RNF180: variants seen among roughly 807,000 people sequenced by gnomAD.
The protein encoded by RNF180 is E3 ubiquitin-protein ligase RNF180.
Under a neutral mutation model 59.2 loss-of-function variants are expected in RNF180, and 38 were observed. That is an observed-to-expected ratio of 0.64 (90% CI 0.50 to 0.84). The LOEUF is 0.84. Ranked by LOEUF, RNF180 falls within the 40% of genes least tolerant of loss-of-function variation. The pLI is 0.00. For synonymous variants in RNF180, 262 were observed against 240.3 expected (o/e 1.09, Z -0.84); for missense variants, 705 against 700.9 (o/e 1.01, Z -0.07).
chr5:64,219,670 C>T (rs1396219214), intron 5 of RNF180, among the ~76,000 whole-genome samples: 5 of 143,324 alleles, frequency 3.5e-5, no homozygotes, highest in South Asian at 4.3e-4. Context: ...CACGCCACCA[C>T]GCTCAGCTAA....
intron 1 of RNF180, among the ~76,000 whole-genome samples, chr5:64,193,073 T>C (rs1751265362): frequency 1.3e-5 from 2 of 151,608 alleles, no homozygotes; most frequent in Non-Finnish European, 2.9e-5. Flanking sequence ...TATGAGGTTA[T>C]CTAAGATAGT....
chr5:64,253,601 G>GC (rs1346308303), intron 5 of RNF180, among the ~76,000 whole-genome samples: 1 of 151,916 alleles, frequency 6.6e-6, no homozygotes, highest in Non-Finnish European at 1.5e-5. Flanking sequence ...CGTTTTTTGT[G>GC]CTTCATTCCA....
At chr5:64,240,202 A>G (rs1742716269) in intron 5 of RNF180, among the ~76,000 whole-genome samples, 1 of 152,222 alleles carries the variant, frequency 6.6e-6, no homozygotes, top group Non-Finnish European at 1.5e-5. Flanking sequence ...AATCTTAACA[A>G]AATGTTCTCA....
At chr5:64,271,216 A>C (rs970027378) in intron 5 of RNF180, among the ~76,000 whole-genome samples, 1 of 152,096 alleles carries the variant, frequency 6.6e-6, no homozygotes. Flanking sequence ...AAAATCACAA[A>C]GTGTACATTG....
At chr5:64,327,241 G>T (rs1434996813) in intron 6 of RNF180, among the ~76,000 whole-genome samples, 1 of 151,694 alleles carries the variant, frequency 6.6e-6, no homozygotes, top group Non-Finnish European at 1.5e-5. Context: ...CCAGCTTTTT[G>T]TTTTGTTAAT....
At chr5:64,201,644 C>T (rs577980782) in intron 2 of RNF180, among the ~76,000 whole-genome samples, 2 of 152,292 alleles carry the variant, frequency 1.3e-5, no homozygotes, top group East Asian at 3.9e-4. Context: ...TGTTTTACCT[C>T]AGTTAGATTT....
At chr5:64,349,613 G>A (rs897449261) in intron 7 of RNF180, among the ~76,000 whole-genome samples, 2 of 151,688 alleles carry the variant, frequency 1.3e-5, no homozygotes, top group South Asian at 2.1e-4. Context: ...ACAGGCCCCA[G>A]TGTGTGATGT....
chr5:64,177,943 C>T (rs1283012406), intron 1 of RNF180, among the ~76,000 whole-genome samples: 4 of 151,952 alleles, frequency 2.6e-5, no homozygotes, highest in East Asian at 1.9e-4. Context: ...TGGTGGCTCA[C>T]GCCTGTAATC....
At chr5:64,270,367 A>G (rs79054566) in intron 5 of RNF180, among the ~76,000 whole-genome samples, 2,379 of 152,214 alleles carry the variant, frequency 0.016, 70 homozygotes, top group African/African-American at 0.054. Context: ...TAAATGCACT[A>G]TTTATTTCCC....
At chr5:64,217,155 A>G (rs189531847) in intron 4 of RNF180, among the ~76,000 whole-genome samples, 66 of 152,304 alleles carry the variant, frequency 4.3e-4, no homozygotes, top group African/African-American at 1.4e-3. Flanking sequence ...AAAATTGCCT[A>G]TAGATTCATG....
intron 1 of RNF180, among the ~76,000 whole-genome samples, chr5:64,196,390 C>T (rs1337040606): frequency 6.6e-6 from 1 of 152,092 alleles, no homozygotes; most frequent in Non-Finnish European, 1.5e-5. Context: ...CCCTTTCTCT[C>T]AGGTTAAGGA....
chr5:64,196,843 C>A (rs1561181764), intron 1 of RNF180, among the ~76,000 whole-genome samples: 1 of 151,900 alleles, frequency 6.6e-6, no homozygotes, highest in Non-Finnish European at 1.5e-5. Context: ...AAGATTATTT[C>A]TTAAAAGATT....
At chr5:64,306,783 A>G (rs930270224) in intron 5 of RNF180, among the ~76,000 whole-genome samples, 12 of 148,794 alleles carry the variant, frequency 8.1e-5, no homozygotes, top group Middle Eastern at 3.4e-3. Flanking sequence ...ATGAGAACAC[A>G]TGGACACAGG....
At chr5:64,167,213 G>A (rs1227652798) in intron 1 of RNF180, among the ~76,000 whole-genome samples, 1 of 152,282 alleles carries the variant, frequency 6.6e-6, no homozygotes, top group Non-Finnish European at 1.5e-5. Flanking sequence ...AGGTTTCCCG[G>A]AATATTTGAG....
intron 7 of RNF180, among the ~76,000 whole-genome samples, chr5:64,340,212 A>G (rs1181927543): frequency 6.6e-6 from 1 of 152,220 alleles, no homozygotes; most frequent in Non-Finnish European, 1.5e-5. Flanking sequence ...ATTTTTGCAA[A>G]AAGTTCTACA....
At chr5:64,196,155 A>T (rs1416708642) in intron 1 of RNF180, among the ~76,000 whole-genome samples, 1 of 152,058 alleles carries the variant, frequency 6.6e-6, no homozygotes, top group East Asian at 1.9e-4. Context: ...GTAACCTAAA[A>T]ACCAAAAATG....
chr5:64,260,001 C>T (rs759176260), intron 5 of RNF180, among the ~76,000 whole-genome samples: 2 of 152,060 alleles, frequency 1.3e-5, no homozygotes, highest in Non-Finnish European at 2.9e-5. Flanking sequence ...ATCATCCTAG[C>T]ACCAAAAAAG....
chr5:64,265,092 ATTTG>A (rs1210555849), intron 5 of RNF180, among the ~76,000 whole-genome samples: 3 of 152,070 alleles, frequency 2.0e-5, no homozygotes, highest in Non-Finnish European at 4.4e-5. Flanking sequence ...TTTCTTGTAA[ATTTG>A]TTTAAGTTCC....
At chr5:64,326,732 G>A (rs1173174626) in intron 6 of RNF180, among the ~76,000 whole-genome samples, 2 of 152,098 alleles carry the variant, frequency 1.3e-5, no homozygotes, top group Non-Finnish European at 2.9e-5. Flanking sequence ...TTTTATTGAG[G>A]ATTTTTGCAT....
Sources: gnomAD v4.1 joint callset for allele counts (sites outside exome capture counted in the v4.1 genomes callset) on GRCh38, gnomAD v4.1.1 for gene constraint, MANE v1.5 for transcripts, NCBI Gene and HGNC (gene_info 2026-07-23, HGNC 2026-07-21) for gene names.